CDH18: variants seen among roughly 807,000 people sequenced by gnomAD.
The protein encoded by CDH18 is cadherin-18.
Under a neutral mutation model 67.9 loss-of-function variants are expected in CDH18, and 31 were observed. The ratio of observed to expected loss-of-function variants is 0.46; its 90% CI spans 0.34 to 0.62. The LOEUF is 0.62. Among genes scored for constraint, CDH18 ranks in the 20% least tolerant of loss-of-function variants. The pLI, the probability that CDH18 is intolerant of heterozygous loss-of-function variation, is 0.01. For synonymous variants in CDH18, 362 were observed against 347.2 expected, an observed-to-expected ratio of 1.04 and a Z score of -0.48; for missense variants, 890 against 975.5, an observed-to-expected ratio of 0.91 and a Z score of 1.17.
intron 10 of CDH18, among the ~76,000 whole-genome samples, chr5:19,520,274 C>T (rs1415342384): frequency 1.3e-5 from 2 of 152,118 alleles, no homozygotes; most frequent in African/African-American, 4.8e-5. Flanking sequence ...ATTCCTGTGT[C>T]ACTCCTGCAG....
intron 2 of CDH18, among the ~76,000 whole-genome samples, chr5:20,091,626 G>T (rs1436001856): frequency 6.6e-6 from 1 of 151,954 alleles, no homozygotes; most frequent in Non-Finnish European, 1.5e-5. Context: ...TCTTCATTCT[G>T]GGTCTCTTTG....
chr5:19,716,049 C>A (rs1765301165), intron 5 of CDH18, among the ~76,000 whole-genome samples: 1 of 152,014 alleles, frequency 6.6e-6, no homozygotes, highest in Admixed American at 6.6e-5. Flanking sequence ...GAACTCCTGA[C>A]CTGACGTGAT....
chr5:20,123,403 A>G (rs536672055), intron 2 of CDH18, among the ~76,000 whole-genome samples: 22 of 152,252 alleles, frequency 1.4e-4, no homozygotes, highest in African/African-American at 5.1e-4. Context: ...GTGAGGGACA[A>G]TTTGGCCCCA....
chr5:20,102,574 G>A (rs1746567729), intron 2 of CDH18, among the ~76,000 whole-genome samples: 1 of 152,156 alleles, frequency 6.6e-6, no homozygotes, highest in Non-Finnish European at 1.5e-5. Context: ...CTCTATAGGA[G>A]GTTTGTGTCA....
chr5:20,538,898 G>GCTTTTTTT (rs1554016273), intron 1 of CDH18, among the ~76,000 whole-genome samples: 1 of 106,764 alleles, frequency 9.4e-6, no homozygotes, highest in Non-Finnish European at 1.8e-5. Context: ...ATAGCCAACT[G>GCTTTTTTT]TTTTTTTTTT....
chr5:20,204,254 A>G (rs866657446), intron 2 of CDH18, among the ~76,000 whole-genome samples: 1 of 152,070 alleles, frequency 6.6e-6, no homozygotes, highest in African/African-American at 2.4e-5. Flanking sequence ...AGAGAAAAGA[A>G]GCAAATAATA....
chr5:20,509,923 G>T (rs571150333), intron 1 of CDH18, among the ~76,000 whole-genome samples: 1 of 152,268 alleles, frequency 6.6e-6, no homozygotes, highest in African/African-American at 2.4e-5. Flanking sequence ...GGGATTGCCA[G>T]ATCATATGGT....
At chr5:20,302,569 T>C (rs11746410) in intron 1 of CDH18, among the ~76,000 whole-genome samples, 65,759 of 152,026 alleles carry the variant, frequency 0.43, 16,550 homozygotes, top group Middle Eastern at 0.65. Flanking sequence ...AAGAACCTCA[T>C]GACAACATTG....
intron 3 of CDH18, among the ~76,000 whole-genome samples, chr5:19,815,026 G>A (rs1466109654): frequency 2.0e-5 from 3 of 151,932 alleles, no homozygotes; most frequent in Non-Finnish European, 2.9e-5. Context: ...AACATTTGCT[G>A]AATTATTCAA....
At chr5:19,543,189 CTTAGAGTT>C (rs1458030433) in intron 9 of CDH18, among the ~76,000 whole-genome samples, 1 of 151,942 alleles carries the variant, frequency 6.6e-6, no homozygotes, top group Non-Finnish European at 1.5e-5. Flanking sequence ...GATTCATTTT[CTTAGAGTT>C]ATATTCTAAT....
rs76081318 is a variant in CDH18 at position 20,008,225 on chromosome 5, T to G, written c.-517-16211A>C. On this transcript the variant is annotated intron_variant, in intron 2 of 14. Transcript: ENST00000507958. ...TATATAATATGAATGTTATTATGTT[T>G]GAGAATATAAAAAAAACATATACAT... 3.7e-3 allele frequency among the ~76,000 whole-genome samples: 571 copies of G among 152,270 alleles called. 2 individuals are homozygous for G. Among genetic ancestry groups the G allele is most frequent in the African/African-American group, 0.013 (537 of 41,564 alleles).
At chr5:20,304,913 G>A in intron 1 of CDH18, 9 of 1,612,996 alleles carry the variant, frequency 5.6e-6, no homozygotes, top group Non-Finnish European at 7.6e-6. Context: ...AGATCACAGA[G>A]GGGGTTTGTA....
chr5:19,987,308 C>T (rs1231195822), intron 1 of CDH18, among the ~76,000 whole-genome samples: 1 of 150,384 alleles, frequency 6.6e-6, no homozygotes, highest in African/African-American at 2.5e-5. Flanking sequence ...CATAATTTAC[C>T]TTGTTTTGCA....
chr5:20,524,485 A>T (rs926613034), intron 1 of CDH18, among the ~76,000 whole-genome samples: 1 of 152,158 alleles, frequency 6.6e-6, no homozygotes, highest in African/African-American at 2.4e-5. Flanking sequence ...TATTGCAGCT[A>T]CTTCTTTATT....
At chr5:20,352,921 A>G (rs796598792) in intron 1 of CDH18, among the ~76,000 whole-genome samples, 39 of 152,360 alleles carry the variant, frequency 2.6e-4, no homozygotes, top group African/African-American at 8.7e-4. Context: ...AGCTAGAATT[A>G]AAACAATTTG....
chr5:20,267,001 A>G (rs1041253245), intron 1 of CDH18, among the ~76,000 whole-genome samples: 4 of 152,190 alleles, frequency 2.6e-5, no homozygotes, highest in Non-Finnish European at 5.9e-5. Context: ...CAGTCTACTG[A>G]ATGTATAAAT....
chr5:20,120,383 C>G (rs6451665), intron 2 of CDH18, among the ~76,000 whole-genome samples: 110,169 of 152,006 alleles, frequency 0.72, 44,784 homozygotes, highest in Non-Finnish European at 0.91. Context: ...AATAGGAACA[C>G]AGGAACACTT....
intron 1 of CDH18, among the ~76,000 whole-genome samples, chr5:20,534,802 A>C (rs1307981795): frequency 6.6e-6 from 1 of 150,700 alleles, no homozygotes; most frequent in African/African-American, 2.4e-5. Context: ...CTGACTTCTG[A>C]ACTCTGTTAG....
chr5:19,837,716 T>C (rs1274978395), intron 3 of CDH18, among the ~76,000 whole-genome samples: 2 of 152,158 alleles, frequency 1.3e-5, no homozygotes, highest in Non-Finnish European at 2.9e-5. Flanking sequence ...TGTGATCCTG[T>C]ACTGCCTACA....
Sources: gnomAD v4.1 joint callset for allele counts (sites outside exome capture counted in the v4.1 genomes callset) on GRCh38, gnomAD v4.1.1 for gene constraint, MANE v1.5 for transcripts, NCBI Gene and HGNC (gene_info 2026-07-23, HGNC 2026-07-21) for gene names.